The following SIMC1 variants were observed in gnomAD, a reference collection of about 807,000 sequenced individuals.
SIMC1 encodes SUMO interacting motifs containing 1.
Under a neutral mutation model 82.3 loss-of-function variants are expected in SIMC1, and 55 were observed. The ratio of observed to expected loss-of-function variants is 0.67; its 90% CI spans 0.54 to 0.84. The LOEUF (loss-of-function observed/expected upper bound fraction) is 0.84. SIMC1 is among the 40% of genes least tolerant of loss of function. The pLI is 0.00. For missense variants in SIMC1, 915 were observed against 1,107.2 expected, an observed-to-expected ratio of 0.83 and a Z score of 2.46; for synonymous variants, 353 against 426.3, an observed-to-expected ratio of 0.83 and a Z score of 2.12.
At chr5:176,305,536 G>C (rs1258021403) in intron 4 of SIMC1, among the ~76,000 whole-genome samples, 1 of 141,364 alleles carries the variant, frequency 7.1e-6, no homozygotes, top group African/African-American at 2.7e-5. Flanking sequence ...GAGGTGGGGG[G>C]GTCAGCCCCC....
chr5:176,243,182 C>T (rs1401408710), intron 1 of SIMC1, among the ~76,000 whole-genome samples: 1 of 152,012 alleles, frequency 6.6e-6, no homozygotes, highest in African/African-American at 2.4e-5. Flanking sequence ...GGATTGGGAA[C>T]ATTTGATTGT....
At chr5:176,329,286 A>G (rs1425061636) in intron 7 of SIMC1, among the ~76,000 whole-genome samples, 2 of 151,910 alleles carry the variant, frequency 1.3e-5, no homozygotes, top group Non-Finnish European at 2.9e-5. Context: ...CCTGGCTAAC[A>G]CGGTGAAACC....
chr5:176,288,054 T>G (rs1166592343), intron 1 of SIMC1, among the ~76,000 whole-genome samples: 2 of 151,928 alleles, frequency 1.3e-5, no homozygotes, highest in Admixed American at 6.6e-5. Context: ...TCATTCCAGG[T>G]AAAATGAAAA....
chr5:176,301,843 T>G (rs1180814769), intron 4 of SIMC1, among the ~76,000 whole-genome samples: 1 of 150,858 alleles, frequency 6.6e-6, no homozygotes, highest in African/African-American at 2.4e-5. Flanking sequence ...ACCTAATAAA[T>G]GTTGATGAAG....
intron 1 of SIMC1, among the ~76,000 whole-genome samples, chr5:176,278,965 A>G (rs1021818307): frequency 8.5e-5 from 13 of 152,152 alleles, no homozygotes; most frequent in African/African-American, 3.1e-4. Context: ...CTGGCCCCAT[A>G]AAATGAGTTA....
At chr5:176,323,335 A>G (rs749125748) in intron 6 of SIMC1, among the ~76,000 whole-genome samples, 1 of 152,224 alleles carries the variant, frequency 6.6e-6, no homozygotes, top group Non-Finnish European at 1.5e-5. Flanking sequence ...GGAAGCTAGT[A>G]TCATATAACA....
intron 4 of SIMC1, chr5:176,308,407 T>C: frequency 1.9e-6 from 3 of 1,605,208 alleles, no homozygotes; most frequent in South Asian, 1.1e-5. Context: ...GGCCACCCCA[T>C]GAGAGTTGTG....
chr5:176,323,942 C>T (rs1204873747), intron 6 of SIMC1, among the ~76,000 whole-genome samples: 1 of 150,664 alleles, frequency 6.6e-6, no homozygotes, highest in Non-Finnish European at 1.5e-5. Context: ...GAGCCAAGAT[C>T]GCGCCACAGC....
intron 4 of SIMC1, chr5:176,313,076 G>C (rs1764733291): frequency 1.0e-5 from 2 of 196,854 alleles, no homozygotes; most frequent in South Asian, 2.5e-4. Context: ...CTGTTTGTCA[G>C]TTAGGATCAT....
intron 9 of SIMC1, among the ~76,000 whole-genome samples, chr5:176,344,344 C>T (rs1766300923): frequency 1.3e-5 from 2 of 152,064 alleles, no homozygotes; most frequent in African/African-American, 2.4e-5. Context: ...ATTGCTTACT[C>T]GTGATCACAC....
chr5:176,292,830 C>T (rs1461927089), intron 2 of SIMC1, among the ~76,000 whole-genome samples: 10 of 152,156 alleles, frequency 6.6e-5, no homozygotes, highest in African/African-American at 1.7e-4. Context: ...CGTGAGCCAC[C>T]GCGCCCGGCC....
Position 176,324,733 on chromosome 5 carries a change from TG to T in SIMC1, c.2149del (p.Asp717ThrfsTer25). The T allele has an allele frequency of 6.3e-7, 1 of 1,598,644 alleles. No homozygotes were observed. The highest frequency in any genetic ancestry group is 8.5e-7 in the Non-Finnish European group (1 of 1,172,298). On this transcript the variant is annotated frameshift_variant, in exon 7 of 10. Coordinates refer to ENST00000429602, the MANE Select transcript of SIMC1 (RefSeq NM_001308195.2). LOFTEE classifies it high-confidence loss of function. ...GCCGAGATGATGTTTGGGTTTGTGC[TG>T]GACATTCCTGAGAGGAGCCAGAGGT... ...KIAEMMFGFVLDIPERSQREM... is the reference protein window; with the variant it reads ...KIAEMMFGFVXDIPERSQREM...
At chr5:176,276,565 T>C (rs952728026) in intron 1 of SIMC1, among the ~76,000 whole-genome samples, 1 of 148,688 alleles carries the variant, frequency 6.7e-6, no homozygotes, top group Non-Finnish European at 1.5e-5. Flanking sequence ...TCATCTAGCA[T>C]TAGGTATATC....
chr5:176,302,071 TATAA>T lies in SIMC1; in HGVS notation c.1734+5755_1734+5758del, dbSNP rs536348177. On this transcript the variant is annotated intron_variant, in intron 4 of 9. Transcript: ENST00000429602. ...GATACCTAATACAATGTAAATTATA[TATAA>T]ATAGTTGTTATACTGCATTGTTTAA... Among the ~76,000 whole-genome samples the T allele has an allele frequency of 2.5e-3, 385 of 152,328 alleles. 3 individuals are homozygous for T. The highest frequency in any genetic ancestry group is 8.7e-3 in the African/African-American group (363 of 41,578).
At chr5:176,318,728 A>T (rs1255743761) in intron 5 of SIMC1, among the ~76,000 whole-genome samples, 1 of 152,250 alleles carries the variant, frequency 6.6e-6, no homozygotes, top group African/African-American at 2.4e-5. Context: ...TAGACTGAGG[A>T]TAGATGATTT....
chr5:176,320,040 T>C (rs1357705584), intron 5 of SIMC1, among the ~76,000 whole-genome samples: 1 of 152,208 alleles, frequency 6.6e-6, no homozygotes, highest in African/African-American at 2.4e-5. Flanking sequence ...GTCTTTCCTC[T>C]TGCGCTGGTT....
intron 4 of SIMC1, among the ~76,000 whole-genome samples, chr5:176,306,290 G>T (rs1208445492): frequency 7.4e-6 from 1 of 134,912 alleles, no homozygotes; most frequent in East Asian, 2.5e-4. Context: ...GAGGGAGGTG[G>T]GGGGGTCAGC....
At chr5:176,287,767 C>T (rs565104835) in intron 1 of SIMC1, among the ~76,000 whole-genome samples, 3 of 149,630 alleles carry the variant, frequency 2.0e-5, no homozygotes, top group East Asian at 1.9e-4. Flanking sequence ...AACTAGTGAA[C>T]TTAGCAAGGT....
At position 176,345,408 on chromosome 5, in the gene SIMC1, A is replaced by G. The variant is rs752568683; in HGVS notation, c.2639A>G (p.Asp880Gly). Residue 880 changes from aspartate (D) to glycine (G), a missense_variant, in exon 10 of 10, where the codon GAT becomes GGT. Around this residue, in one of 2 missense-constraint regions of SIMC1, gnomAD observed 902 missense variants for 1,040.3 expected, o/e 0.87. Transcript: ENST00000429602. ...LLFYAADLNP[D>G]AEPFQKGWSG... ...TTCTATGCTGCGGACTTGAACCCTG[A>G]TGCAGAGCCCTTTCAAAAGGGCTGG... 1 of 1,613,760 alleles carries G rather than the reference A, an allele frequency of 6.2e-7. No homozygotes were observed. The highest frequency in any genetic ancestry group is 1.1e-5 in the South Asian group (1 of 91,074).
Sources: gnomAD v4.1 joint callset for allele counts (sites outside exome capture counted in the v4.1 genomes callset) on GRCh38, gnomAD v4.1.1 for gene constraint, gnomAD v4.1.1 regional missense constraint, MANE v1.5 for transcripts, NCBI Gene and HGNC (gene_info 2026-07-23, HGNC 2026-07-21) for gene names.